Variants in CCDC141 observed in about 807,000 individuals in gnomAD.
CCDC141 encodes the protein coiled-coil domain containing 141, also known as coiled-coil domain-containing protein 141.
Under a neutral mutation model 181.0 loss-of-function variants are expected in CCDC141, and 168 were observed. That is an observed-to-expected ratio of 0.93 (90% CI 0.82 to 1.05). The LOEUF is 1.05. CCDC141 is among the 50% of genes least tolerant of loss of function. CCDC141 has a pLI of 0.00. For missense variants in CCDC141, 1,902 were observed against 1,788.5 expected (o/e 1.06, Z -1.14); for synonymous variants, 666 against 642.3 (o/e 1.04, Z -0.56).
chr2:179,030,208 C>T (rs2042964625), intron 2 of CCDC141, among the ~76,000 whole-genome samples: 2 of 151,934 alleles, frequency 1.3e-5, no homozygotes, highest in Admixed American at 1.3e-4. Context: ...TAAATTAATA[C>T]CAAAAACAAT....
chr2:178,935,336 C>G (rs1045899420), intron 6 of CCDC141, among the ~76,000 whole-genome samples: 1 of 152,108 alleles, frequency 6.6e-6, no homozygotes, highest in Non-Finnish European at 1.5e-5. Flanking sequence ...CATAAGTGCT[C>G]ATGATTTGAC....
At chr2:178,883,589 G>A (rs549311874) in intron 11 of CCDC141, among the ~76,000 whole-genome samples, 1 of 152,148 alleles carries the variant, frequency 6.6e-6, no homozygotes, top group East Asian at 1.9e-4. Context: ...TAAGAAGGAA[G>A]GTGTTGAGAA....
At chr2:178,945,529 C>T (rs1466413543) in intron 5 of CCDC141, among the ~76,000 whole-genome samples, 1 of 152,090 alleles carries the variant, frequency 6.6e-6, no homozygotes, top group African/African-American at 2.4e-5. Flanking sequence ...CAGAATTTGT[C>T]CTCCAGTCTG....
In CCDC141 at chr2:178,871,366, G is replaced by T. The variant is rs1686113413; in HGVS notation, c.2205+61C>A. 2.6e-6 allele frequency: 4 copies of T among 1,547,614 alleles called. No individual in the cohort carries two copies. The Admixed American group carries it at 7.7e-5, about 30-fold the overall frequency. ...CCTGTTACAATTAATCAGGTAAACT[G>T]CAACCAAACAGTTTTAAGTATTTTT... On this transcript the variant is annotated intron_variant, in intron 14 of 23. Coordinates refer to ENST00000443758, the MANE Select transcript of CCDC141 (RefSeq NM_173648.4).
intron 15 of CCDC141, among the ~76,000 whole-genome samples, chr2:178,868,732 T>C (rs781241479): frequency 9.2e-5 from 14 of 151,724 alleles, no homozygotes; most frequent in Non-Finnish European, 1.6e-4. Flanking sequence ...AGAATCAAGA[T>C]AGTAAAATGC....
rs1691226083 is a variant in CCDC141, at chr2:178,978,580, C to T, written c.321G>A (p.Glu107=). ...GAGCTGCCCATGCTTCACCCAGAGT[C>T]TCGGCCATGGCATCATAGACCTGAC... ...DQSQVYDAMA[E]TLGEAWAALV... is the part of the protein sequence containing the mutation. Residue 107 remains glutamate, a synonymous_variant, in exon 3 of 24, where the codon GAG becomes GAA. Coordinates refer to ENST00000443758, the MANE Select transcript of CCDC141 (RefSeq NM_173648.4). 8 of 1,550,152 alleles carry T rather than the reference C, an allele frequency of 5.2e-6. No individual in the cohort carries two copies. Among genetic ancestry groups the T allele is most frequent in the Non-Finnish European group, 7.0e-6 (8 of 1,146,790 alleles).
chr2:178,952,668 C>A (rs1223890694), intron 5 of CCDC141, among the ~76,000 whole-genome samples: 2 of 152,214 alleles, frequency 1.3e-5, no homozygotes, highest in Admixed American at 6.5e-5. Context: ...TTTGCATTTA[C>A]TGTTGGTGTG....
chr2:178,848,686 T>C (rs1405001535), intron 21 of CCDC141, among the ~76,000 whole-genome samples: 1 of 152,106 alleles, frequency 6.6e-6, no homozygotes, highest in Non-Finnish European at 1.5e-5. Flanking sequence ...GGAGGAATAT[T>C]GTAGACAATG....
chr2:179,008,556 C>T lies in CCDC141; in HGVS notation c.226-29881G>A, dbSNP rs2042175829. ...GGGGAAATTTTGGAAAATACAGATC[C>T]CCAGGTCCCACTTCAGAGGATTCTG... On this transcript the variant is annotated intron_variant, in intron 2 of 23. Coordinates refer to ENST00000443758, the MANE Select transcript of CCDC141 (RefSeq NM_173648.4). Among the ~76,000 whole-genome samples, 3 of 152,114 alleles carry T rather than the reference C, an allele frequency of 2.0e-5. No individual in the cohort carries two copies. The South Asian group carries it at 6.3e-4, about 32-fold the overall frequency.
chr2:178,873,033 T>C (rs1291231702), intron 12 of CCDC141: 2 of 152,206 alleles, frequency 1.3e-5, no homozygotes, highest in African/African-American at 4.8e-5. Flanking sequence ...AGACTATGCG[T>C]GCTTTATTTC....
At chr2:178,820,634 T>A in the CCDC141 span, among the ~76,000 whole-genome samples, 3 of 152,192 alleles carry the variant, frequency 2.0e-5, no homozygotes, top group Non-Finnish European at 4.4e-5. Context: ...AGATCTAAAG[T>A]TTTCAGATTA....
At chr2:178,944,834 T>G (rs1282440963) in intron 5 of CCDC141, among the ~76,000 whole-genome samples, 183 bp from the exon 6 acceptor site, 1 of 152,034 alleles carries the variant, frequency 6.6e-6, no homozygotes, top group Admixed American at 6.6e-5. Flanking sequence ...AACCTCTACA[T>G]GCATAAAAGA....
intron 4 of CCDC141, among the ~76,000 whole-genome samples, chr2:178,971,211 T>A (rs1690870437): frequency 6.6e-6 from 1 of 151,062 alleles, no homozygotes; most frequent in Admixed American, 6.6e-5. Flanking sequence ...CCACCTCAAT[T>A]AAAAAAAAAT....
chr2:178,872,581 G>T (rs182234811), intron 12 of CCDC141, among the ~76,000 whole-genome samples: 25 of 152,216 alleles, frequency 1.6e-4, no homozygotes, highest in Admixed American at 1.6e-3. Context: ...GGGTTTGAAA[G>T]ATTATTTAAT....
chr2:179,015,106 T>TATA (rs2042418071), intron 2 of CCDC141, among the ~76,000 whole-genome samples: 7 of 23,990 alleles, frequency 2.9e-4, no homozygotes, highest in African/African-American at 4.9e-4. Context: ...ATATATATAA[T>TATA]ATATATATAA....
intron 8 of CCDC141, among the ~76,000 whole-genome samples, chr2:178,895,972 G>A (rs752003590): frequency 1.3e-5 from 2 of 152,082 alleles, no homozygotes; most frequent in Non-Finnish European, 2.9e-5. Context: ...CTTAACATAA[G>A]GTAAAAAAGA....
At chr2:178,852,308 G>A (rs1284521061) in intron 20 of CCDC141, among the ~76,000 whole-genome samples, 2 of 152,084 alleles carry the variant, frequency 1.3e-5, no homozygotes, top group Non-Finnish European at 2.9e-5. Context: ...CACAAATACA[G>A]TGAAAAAAAT....
chr2:178,889,566 C>A (rs950905525), intron 8 of CCDC141, among the ~76,000 whole-genome samples: 3 of 152,150 alleles, frequency 2.0e-5, no homozygotes, highest in Non-Finnish European at 4.4e-5. Context: ...AGGTTTCAGT[C>A]ATTTTACCTC....
intron 8 of CCDC141, among the ~76,000 whole-genome samples, chr2:178,899,994 T>C (rs948092670): frequency 3.3e-5 from 5 of 152,190 alleles, no homozygotes; most frequent in Non-Finnish European, 5.9e-5. Flanking sequence ...CAATTTTTAA[T>C]GGGTTTTTAT....
Sources: allele counts gnomAD v4.1 joint callset (sites outside exome capture counted in the v4.1 genomes callset), GRCh38; gene constraint gnomAD v4.1.1; transcripts MANE v1.5; gene names NCBI Gene and HGNC (gene_info 2026-07-23, HGNC 2026-07-21).